SCAMP5: variants seen among roughly 807,000 people sequenced by gnomAD.
SCAMP5 encodes secretory carrier-associated membrane protein 5.
A neutral mutation model predicts 28.3 loss-of-function variants in SCAMP5; 7 were observed. The ratio of observed to expected loss-of-function variants is 0.25; its 90% CI spans 0.14 to 0.46. The LOEUF is 0.46. SCAMP5 is among the 20% of genes least tolerant of loss of function. The pLI, the probability that SCAMP5 is intolerant of heterozygous loss-of-function variation, is 0.99. For missense variants in SCAMP5, 192 were observed against 312.5 expected, an observed-to-expected ratio of 0.61 and a Z score of 2.91; for synonymous variants, 117 against 116.4, an observed-to-expected ratio of 1.00 and a Z score of -0.03.
rs548471619 is a variant in SCAMP5, at chr15:75,017,031, T to A, written c.293+282T>A. Among the ~76,000 whole-genome samples the A allele has an allele frequency of 2.0e-5, 3 of 152,084 alleles. No homozygotes were observed. In the South Asian group the frequency reaches 6.3e-4, roughly 32 times the overall value. On this transcript the variant is annotated intron_variant, in intron 4 of 6. Transcript: ENST00000425597. The stretch of plus-strand genomic sequence containing the variant: ...ATTTTTTCTTCTGTCATCCCCTTCC[T>A]CAGGCAGCTGCATGTTAAATTTTGC...
chr15:74,998,356 A>C (rs1230031193), intron 1 of SCAMP5, among the ~76,000 whole-genome samples: 1 of 152,208 alleles, frequency 6.6e-6, no homozygotes, highest in Non-Finnish European at 1.5e-5. Flanking sequence ...CTGTAATCCC[A>C]GCACTTGGGG....
chr15:75,005,295 T>G (rs2065745868), intron 1 of SCAMP5, among the ~76,000 whole-genome samples: 1 of 151,682 alleles, frequency 6.6e-6, no homozygotes, highest in Non-Finnish European at 1.5e-5. Context: ...AAACGCCATC[T>G]CTACTAAAAC....
At chr15:75,009,297 T>TCA (rs2065789132) in intron 1 of SCAMP5, among the ~76,000 whole-genome samples, 8 of 152,230 alleles carry the variant, frequency 5.3e-5, no homozygotes, top group Admixed American at 5.2e-4. Flanking sequence ...ATTGTCTCTA[T>TCA]CATACCCTTC....
At chr15:75,017,596 T>C in intron 4 of SCAMP5, 1 of 577,538 alleles carries the variant, frequency 1.7e-6, no homozygotes, top group Non-Finnish European at 3.1e-6. Flanking sequence ...AGTGGAGCCA[T>C]CTATTTCTAT....
chr15:75,007,646 A>G (rs920845432), intron 1 of SCAMP5: 4 of 152,164 alleles, frequency 2.6e-5, no homozygotes, highest in Non-Finnish European at 4.4e-5. Context: ...GCTCACTGCA[A>G]CCTCTGCCTC....
In SCAMP5 at chr15:74,996,610, A is replaced by C. The variant is rs2065656507; in HGVS notation, c.-49+937A>C. Among the ~76,000 whole-genome samples, 1 of 152,188 alleles carries C rather than the reference A, an allele frequency of 6.6e-6. No homozygotes were observed. The highest frequency in any genetic ancestry group is 2.4e-5 in the African/African-American group (1 of 41,436). On this transcript the variant is annotated intron_variant, in intron 1 of 6. Coordinates refer to ENST00000425597, the MANE Select transcript of SCAMP5 (RefSeq NM_138967.4). The surrounding 1 kb of genome is among the most constrained non-coding windows in gnomAD (Gnocchi z 4.1). Reference sequence around the variant, plus strand: ...TCCAGGAGAATGTATGGGCAAAGGCACAGGGATGAAAACGAGCACAGCTGT... The same window carrying C: ...TCCAGGAGAATGTATGGGCAAAGGCCCAGGGATGAAAACGAGCACAGCTGT...
rs886892416 is a variant in SCAMP5 at position 75,018,477 on chromosome 15, T to C, written c.455T>C (p.Leu152Pro). Residue 152 changes from leucine (L) to proline (P), a missense_variant, in exon 6 of 7, where the codon CTA becomes CCA. By Grantham distance (98) the Leu-to-Pro change is moderately conservative (BLOSUM62 -3). Transcript: ENST00000425597. The surrounding 1 kb of genome is among the most constrained non-coding windows in gnomAD (Gnocchi z 5.6). ...GTNIGSAVVM[L>P]IPTVMFTVMA... ...AACATTGGCTCGGCGGTGGTGATGC[T>C]AATTCCCACTGTCATGTTCACAGTG... 1 of 1,613,770 alleles carries C rather than the reference T, an allele frequency of 6.2e-7. No individual in the cohort carries two copies. The highest frequency in any genetic ancestry group is 8.5e-7 in the Non-Finnish European group (1 of 1,179,686).
At chr15:75,015,456 G>T (rs3751648) in intron 3 of SCAMP5, among the ~76,000 whole-genome samples, 14 of 151,962 alleles carry the variant, frequency 9.2e-5, no homozygotes, top group East Asian at 1.9e-4. Context: ...GGACAGAGGG[G>T]GGGGGGCCTG....
intron 3 of SCAMP5, 31 bp downstream of exon 3, chr15:75,012,836 G>A (rs2065824659): frequency 6.2e-7 from 1 of 1,613,112 alleles, no homozygotes; most frequent in Admixed American, 1.7e-5. Context: ...GTGGGCCAGG[G>A]TGGCTGGAGG....
rs908181461 is a variant in SCAMP5, at chr15:74,995,620, C to A, written c.-102C>A. 6.7e-6 allele frequency: 1 copy of A among 149,268 alleles called. No homozygotes were observed. The highest frequency in any genetic ancestry group is 1.5e-5 in the Non-Finnish European group (1 of 66,838). The allele number at this position is 149,268 out of a possible 1,614,324, so 9.2% of individuals were successfully genotyped here. A position where few individuals can be genotyped will look rare whatever the true frequency, so the allele number is the denominator to read the frequency against. ...GGCTCCGCGCCGCATCGCTCGGGTG[C>A]AGCGCAGCTCAGCGCAGCGCTGCGG... is the stretch of plus-strand genomic sequence containing the variant. On this transcript the variant is annotated 5_prime_UTR_variant, in exon 1 of 7. Transcript: ENST00000425597.
At chr15:75,002,295 G>A (rs756774260) in intron 1 of SCAMP5, among the ~76,000 whole-genome samples, 5 of 151,694 alleles carry the variant, frequency 3.3e-5, no homozygotes, top group Non-Finnish European at 7.4e-5. Flanking sequence ...GTGCCCCTGT[G>A]TCTCCCTCTT....
Position 75,012,765 on chromosome 15 carries a change from G to C in SCAMP5, c.96G>C (p.Gln32His). The change falls in exon 3 of 7, where the codon CAG becomes CAC. Residue 32 changes from glutamine (Q) to histidine (H), a missense_variant. Physicochemically the swap from Gln to His is conservative, Grantham distance 24. Coordinates refer to ENST00000425597, the MANE Select transcript of SCAMP5 (RefSeq NM_138967.4). Reference protein sequence around the residue: ...YQDFEADIPPQHVSMTKRLYY... With the variant: ...YQDFEADIPPHHVSMTKRLYY... ...ACTTCGAGGCAGATATTCCTCCCCA[G>C]CATGTCAGCATGACCAAGCGCCTCT... 6.2e-7 allele frequency: 1 copy of C among 1,614,030 alleles called. No homozygotes were observed. Among genetic ancestry groups the C allele is most frequent in the Non-Finnish European group, 8.5e-7 (1 of 1,179,878 alleles).
chr15:75,012,756 T>C lies in SCAMP5; in HGVS notation c.87T>C (p.Ile29=). 6.2e-7 allele frequency: 1 copy of C among 1,613,914 alleles called. No homozygotes were observed. Among genetic ancestry groups the C allele is most frequent in the Non-Finnish European group, 8.5e-7 (1 of 1,179,812 alleles). ...TCTACCAAGACTTCGAGGCAGATAT[T>C]CCTCCCCAGCATGTCAGCATGACCA... ...PCFYQDFEAD[I]PPQHVSMTKR... The change falls in exon 3 of 7, where the codon ATT becomes ATC. Residue 29 remains isoleucine (I), a synonymous_variant. Transcript: ENST00000425597.
intron 3 of SCAMP5, among the ~76,000 whole-genome samples, chr15:75,015,925 C>CAAAAAAA (rs71308031): frequency 4.0e-4 from 25 of 62,908 alleles, no homozygotes; most frequent in Admixed American, 7.8e-4. Context: ...AATTCCATCT[C>CAAAAAAA]AAAAAAAAAA....
chr15:75,009,286 G>A (rs906855557), intron 1 of SCAMP5, among the ~76,000 whole-genome samples: 1 of 152,114 alleles, frequency 6.6e-6, no homozygotes, highest in African/African-American at 2.4e-5. Flanking sequence ...ATCATTTCCT[G>A]ATTGTCTCTA....
chr15:75,016,518 T>C (rs994283354), intron 3 of SCAMP5, 75 bp from the exon 4 acceptor site: 2 of 1,408,102 alleles, frequency 1.4e-6, no homozygotes, highest in South Asian at 1.3e-5. Flanking sequence ...TGTGTGCCCA[T>C]GTCCGGGTGC....
At chr15:75,015,925 C>CAAAAAAAA (rs71308031) in intron 3 of SCAMP5, among the ~76,000 whole-genome samples, 5 of 63,054 alleles carry the variant, frequency 7.9e-5, no homozygotes, top group African/African-American at 1.3e-4. Flanking sequence ...AATTCCATCT[C>CAAAAAAAA]AAAAAAAAAA....
chr15:75,018,784 T>C lies in SCAMP5; in HGVS notation c.514-5T>C. 6.2e-7 allele frequency: 1 copy of C among 1,604,766 alleles called. No homozygotes were observed. On this transcript the variant is annotated splice_region_variant and splice_polypyrimidine_tract_variant and intron_variant, in intron 6 of 6. Coordinates refer to ENST00000425597, the MANE Select transcript of SCAMP5 (RefSeq NM_138967.4). The surrounding 1 kb of genome is among the most constrained non-coding windows in gnomAD (Gnocchi z 5.6). ...TAACCCTTCTTTACGCTCTTTTTCC[T>C]ACAGGTTCATAAATTTTACCGGGGA...
intron 3 of SCAMP5, among the ~76,000 whole-genome samples, chr15:75,014,008 T>G (rs1356516938): frequency 6.6e-6 from 1 of 151,622 alleles, no homozygotes; most frequent in Non-Finnish European, 1.5e-5. Flanking sequence ...AAGGTACCTC[T>G]TAGGCATGTG....
Sources: gnomAD v4.1 joint callset for allele counts (sites outside exome capture counted in the v4.1 genomes callset) on GRCh38, gnomAD v4.1.1 for gene constraint, Gnocchi (gnomAD v3.1) non-coding constraint, MANE v1.5 for transcripts, NCBI Gene and HGNC (gene_info 2026-07-23, HGNC 2026-07-21) for gene names.